UBASH3B: variants seen among roughly 807,000 people sequenced by gnomAD.
UBASH3B encodes ubiquitin associated and SH3 domain containing B, also known as ubiquitin-associated and SH3 domain-containing protein B.
UBASH3B carries 37 observed loss-of-function variants against 83.4 expected under a neutral mutation model. That is an observed-to-expected ratio of 0.44 (90% confidence interval 0.34 to 0.58). The LOEUF (loss-of-function observed/expected upper bound fraction) is 0.58. Among genes scored for constraint, UBASH3B ranks in the 20% least tolerant of loss-of-function variants. UBASH3B has a pLI of 0.01. For synonymous variants in UBASH3B, 304 were observed against 318.3 expected, an observed-to-expected ratio of 0.96 and a Z score of 0.48; for missense variants, 657 against 827.2, an observed-to-expected ratio of 0.79 and a Z score of 2.52.
chr11:122,752,026 C>T (rs972081621), intron 1 of UBASH3B, among the ~76,000 whole-genome samples: 2 of 152,118 alleles, frequency 1.3e-5, no homozygotes, highest in Non-Finnish European at 2.9e-5. Flanking sequence ...ATTATTTTAA[C>T]TTAATAAACA....
At chr11:122,798,688 C>T (rs1018367479) in intron 9 of UBASH3B, among the ~76,000 whole-genome samples, 34 of 139,004 alleles carry the variant, frequency 2.4e-4, no homozygotes, top group Non-Finnish European at 1.2e-4. Context: ...TCCAGCCTGG[C>T]GACAGAGCGA....
intron 1 of UBASH3B, among the ~76,000 whole-genome samples, chr11:122,664,931 C>G (rs1249520009): frequency 6.6e-6 from 1 of 152,160 alleles, no homozygotes; most frequent in Non-Finnish European, 1.5e-5. Context: ...TTTTTTGAGA[C>G]GGAGTCTCGC....
At chr11:122,711,384 G>A (rs145108705) in intron 1 of UBASH3B, among the ~76,000 whole-genome samples, 119 of 152,254 alleles carry the variant, frequency 7.8e-4, no homozygotes, top group African/African-American at 2.8e-3. Flanking sequence ...CTCCAGCCAC[G>A]TGGGTCCCAT....
At chr11:122,737,665 C>T (rs145766836) in intron 1 of UBASH3B, among the ~76,000 whole-genome samples, 6 of 152,140 alleles carry the variant, frequency 3.9e-5, no homozygotes, top group African/African-American at 1.4e-4. Context: ...GGATGCTCTG[C>T]CCTGAGCCAA....
chr11:122,764,591 C>A (rs1447484296), intron 1 of UBASH3B, among the ~76,000 whole-genome samples: 1 of 152,254 alleles, frequency 6.6e-6, no homozygotes, highest in East Asian at 1.9e-4. Flanking sequence ...GGCTTCCCAA[C>A]ACTTACTTGA....
At chr11:122,743,965 G>A (rs563474788) in intron 1 of UBASH3B, among the ~76,000 whole-genome samples, 3 of 152,334 alleles carry the variant, frequency 2.0e-5, no homozygotes, top group Admixed American at 6.5e-5. Context: ...TCAGACAGGC[G>A]TTCAGTACCT....
intron 1 of UBASH3B, among the ~76,000 whole-genome samples, chr11:122,662,396 C>A (rs572877487): frequency 6.6e-6 from 1 of 151,920 alleles, no homozygotes; most frequent in South Asian, 2.1e-4. Context: ...CAACCCCCAA[C>A]CCTGAGCAGC....
At chr11:122,796,769 G>A in intron 8 of UBASH3B, 142 bp from the exon 9 acceptor site, 2 of 1,102,408 alleles carry the variant, frequency 1.8e-6, no homozygotes. Flanking sequence ...TGTCAGCCTT[G>A]ATATTTTCTA....
At chr11:122,749,708 G>A (rs768394063) in intron 1 of UBASH3B, among the ~76,000 whole-genome samples, 2 of 152,182 alleles carry the variant, frequency 1.3e-5, no homozygotes, top group African/African-American at 4.8e-5. Flanking sequence ...CGCTATTTGA[G>A]AGGTAATCAT....
At chr11:122,755,134 C>T (rs548613317) in intron 1 of UBASH3B, among the ~76,000 whole-genome samples, 6 of 152,126 alleles carry the variant, frequency 3.9e-5, no homozygotes, top group South Asian at 2.1e-4. Flanking sequence ...CATGGTTCAA[C>T]GCTGAATAAT....
chr11:122,802,726 G>C (rs1861279630), intron 11 of UBASH3B, among the ~76,000 whole-genome samples: 1 of 152,106 alleles, frequency 6.6e-6, no homozygotes, highest in South Asian at 2.1e-4. Flanking sequence ...TCAATCAACA[G>C]GATCCCCTAT....
intron 11 of UBASH3B, among the ~76,000 whole-genome samples, chr11:122,805,200 A>C (rs1271200557): frequency 6.6e-6 from 1 of 152,248 alleles, no homozygotes; most frequent in Admixed American, 6.5e-5. Flanking sequence ...TGCAGCAGGC[A>C]AAGAGAGAGC....
chr11:122,759,418 G>A lies in UBASH3B; in HGVS notation c.162-16801G>A, dbSNP rs954512717. On this transcript the variant is annotated intron_variant, in intron 1 of 13. Coordinates refer to ENST00000284273, the MANE Select transcript of UBASH3B (RefSeq NM_032873.5). The surrounding 1 kb of genome is among the most constrained non-coding windows in gnomAD (Gnocchi z 4.1). ...GACCCGGGTGGTGGTGTGATGGTTT[G>A]GGGATGATTCAAGTGCATTACATTT... Among the ~76,000 whole-genome samples, 5 of 152,146 alleles carry A rather than the reference G, an allele frequency of 3.3e-5. No homozygotes were observed. Among genetic ancestry groups the A allele is most frequent in the African/African-American group, 1.2e-4 (5 of 41,422 alleles).
rs1204229323 is a variant in UBASH3B, at chr11:122,810,048, G to A, written c.*162G>A. ...TCTTAAGATGAGACTGTGTAAATGAGAGAAAGACTTGATTCAGAGGAAAAA... is the reference window on the plus strand; with the variant it reads ...TCTTAAGATGAGACTGTGTAAATGAAAGAAAGACTTGATTCAGAGGAAAAA... On this transcript the variant is annotated 3_prime_UTR_variant, in exon 14 of 14. Transcript: ENST00000284273. 2 of 815,442 alleles carry A rather than the reference G, an allele frequency of 2.5e-6. No individual in the cohort carries two copies. Among genetic ancestry groups the A allele is most frequent in the Non-Finnish European group, 3.7e-6 (2 of 546,550 alleles). 50.5% of individuals were successfully genotyped at this position (815,442 alleles called of 1,614,324 possible).
At chr11:122,718,404 T>A (rs1860562803) in intron 1 of UBASH3B, among the ~76,000 whole-genome samples, 1 of 152,198 alleles carries the variant, frequency 6.6e-6, no homozygotes, top group South Asian at 2.1e-4. Context: ...TGTTATATTA[T>A]TGGGCAGACT....
At chr11:122,807,939 T>C in intron 12 of UBASH3B, 128 bp from the exon 13 acceptor site, 1 of 729,220 alleles carries the variant, frequency 1.4e-6, no homozygotes, top group Non-Finnish European at 2.5e-6. Flanking sequence ...TTTCAAAATA[T>C]TGCTTAGGCA....
In UBASH3B at chr11:122,768,470, A is replaced by ACGTGTGTG; in HGVS notation, c.162-7749_162-7748insCGTGTGTG. Among the ~76,000 whole-genome samples, 2 of 140,142 alleles carry ACGTGTGTG rather than the reference A, an allele frequency of 1.4e-5. 1 individual carries two copies. Among genetic ancestry groups the ACGTGTGTG allele is most frequent in the South Asian group, 4.9e-4 (2 of 4,100 alleles). The allele number at this position is 140,142 out of a possible 152,430, so 91.9% of individuals were successfully genotyped here. A position where few individuals can be genotyped will look rare whatever the true frequency, so the allele number is the denominator to read the frequency against. On this transcript the variant is annotated intron_variant, in intron 1 of 13. Coordinates refer to ENST00000284273, the MANE Select transcript of UBASH3B (RefSeq NM_032873.5). ...AAGAAAAAGATAGAGATATATATGT[A>ACGTGTGTG]TGTGTGTGTGTGTGTGTGTGTGTGT...
At chr11:122,808,310 C>A in intron 13 of UBASH3B, 134 bp downstream of exon 13, 1 of 778,238 alleles carries the variant, frequency 1.3e-6, no homozygotes, top group Non-Finnish European at 2.3e-6. Flanking sequence ...CTTCACTCAA[C>A]CAAGATGTAT....
chr11:122,788,540 G>C (rs966168225), intron 5 of UBASH3B, among the ~76,000 whole-genome samples: 4 of 152,154 alleles, frequency 2.6e-5, no homozygotes, highest in African/African-American at 9.7e-5. Flanking sequence ...TTGCACTCCA[G>C]CCTGGGCAAC....
Sources: gnomAD v4.1 joint callset for allele counts (sites outside exome capture counted in the v4.1 genomes callset) on GRCh38, gnomAD v4.1.1 for gene constraint, Gnocchi (gnomAD v3.1) non-coding constraint, MANE v1.5 for transcripts, NCBI Gene and HGNC (gene_info 2026-07-23, HGNC 2026-07-21) for gene names.